Variants in MREG observed in about 807,000 individuals in gnomAD.
The protein encoded by MREG is dilute suppressor protein homolog.
In MREG, 31 loss-of-function variants were observed where a neutral mutation model predicts 28.5. The observed-to-expected ratio is 1.09, with a 90% CI of 0.82 to 1.47. MREG has a LOEUF of 1.47. MREG is among the 40% of genes most tolerant of loss of function. The probability of loss-of-function intolerance (pLI) is 0.00; values close to 1 mark genes in which losing one functional copy is unlikely to be tolerated. For missense variants in MREG, 256 were observed against 257.4 expected (o/e 0.99, Z 0.04); for synonymous variants, 106 against 95.2 (o/e 1.11, Z -0.66).
chr2:216,007,742 CT>C, intron 1 of MREG, among the ~76,000 whole-genome samples: 1 of 149,006 alleles, frequency 6.7e-6, no homozygotes, highest in South Asian at 2.1e-4. Flanking sequence ...CACTTAGCGG[CT>C]TTTTTTTTGC....
intron 2 of MREG, among the ~76,000 whole-genome samples, chr2:215,995,555 T>C (rs1237005649): frequency 8.7e-6 from 1 of 115,500 alleles, no homozygotes; most frequent in Non-Finnish European, 1.7e-5. Flanking sequence ...TAAGTTTCCC[T>C]ACCCTGCTCA....
chr2:216,015,104 GGTGTGTGTGTGCACGC>G (rs1694414034), upstream of MREG, among the ~76,000 whole-genome samples: 1 of 84,192 alleles, frequency 1.2e-5, no homozygotes, highest in Non-Finnish European at 2.2e-5. Flanking sequence ...GGGAGAGCGG[GGTGTGTGTGTGCACGC>G]GTGTGTGTGC....
intron 2 of MREG, among the ~76,000 whole-genome samples, chr2:215,977,776 G>C (rs1693300822): frequency 6.6e-6 from 1 of 152,194 alleles, no homozygotes; most frequent in Admixed American, 6.5e-5. Flanking sequence ...GCTCCTGAAT[G>C]ACTCCTGGGT....
chr2:215,946,252 G>A (rs1692315455), intron 3 of MREG, among the ~76,000 whole-genome samples: 1 of 150,292 alleles, frequency 6.7e-6, no homozygotes, highest in African/African-American at 2.5e-5. Context: ...AAAAAAAAAG[G>A]CTATTAGCTC....
At chr2:215,959,614 T>C (rs925932525) in intron 2 of MREG, among the ~76,000 whole-genome samples, 1 of 152,356 alleles carries the variant, frequency 6.6e-6, no homozygotes, top group South Asian at 2.1e-4. Context: ...AGTTGTTCCA[T>C]ACCGCTTACT....
intron 1 of MREG, among the ~76,000 whole-genome samples, chr2:216,009,702 AT>A (rs1220568075): frequency 6.6e-6 from 1 of 151,840 alleles, no homozygotes; most frequent in African/African-American, 2.4e-5. Context: ...CACCCGGCTA[AT>A]TTTTTTTATT....
chr2:215,941,024 G>A (rs764798827), downstream of MREG, among the ~76,000 whole-genome samples: 1 of 152,168 alleles, frequency 6.6e-6, no homozygotes, highest in Non-Finnish European at 1.5e-5. Context: ...TGGTACAGAC[G>A]CTGCAGTTAC....
At chr2:215,958,630 C>T (rs1446254422) in intron 2 of MREG, among the ~76,000 whole-genome samples, 3 of 152,300 alleles carry the variant, frequency 2.0e-5, no homozygotes, top group African/African-American at 4.8e-5. Context: ...TGGGAGCCTC[C>T]ATTGCTCTTC....
chr2:215,947,241 A>G, intron 2 of MREG, 128 bp from the exon 3 acceptor site: 1 of 624,696 alleles, frequency 1.6e-6, no homozygotes. Flanking sequence ...AGCCTAAAAG[A>G]AGAGAAGGAG....
intron 2 of MREG, among the ~76,000 whole-genome samples, chr2:215,977,418 CACA>C (rs1693292119): frequency 6.6e-6 from 1 of 152,216 alleles, no homozygotes; most frequent in South Asian, 2.1e-4. Context: ...TAGACTCCCA[CACA>C]ACAATAATGG....
chr2:215,961,854 A>G (rs193067121), intron 2 of MREG, among the ~76,000 whole-genome samples: 373 of 152,256 alleles, frequency 2.4e-3, no homozygotes, highest in African/African-American at 8.3e-3. Context: ...CCAGGCCCTA[A>G]GTTCCCACCC....
chr2:216,008,269 C>A (rs529373949), intron 1 of MREG, among the ~76,000 whole-genome samples: 1 of 152,256 alleles, frequency 6.6e-6, no homozygotes, highest in South Asian at 2.1e-4. Flanking sequence ...GGGCTTAGTG[C>A]TTGTGACAGA....
At chr2:215,956,069 C>G (rs1242427517) in intron 2 of MREG, among the ~76,000 whole-genome samples, 1 of 152,002 alleles carries the variant, frequency 6.6e-6, no homozygotes, top group African/African-American at 2.4e-5. Context: ...ACAAATAAAG[C>G]CTGTGAGGTA....
chr2:216,020,974 C>T (rs1694511541), intron 1 of MREG, among the ~76,000 whole-genome samples: 1 of 152,196 alleles, frequency 6.6e-6, no homozygotes, highest in Non-Finnish European at 1.5e-5. Context: ...AAGGGACTCT[C>T]ATCTGAGACC....
chr2:215,942,198 A>G (rs940708427), downstream of MREG, among the ~76,000 whole-genome samples: 2 of 152,198 alleles, frequency 1.3e-5, no homozygotes, highest in African/African-American at 4.8e-5. Flanking sequence ...ACTTCCATCC[A>G]TCTACCACCC....
At chr2:215,976,063 G>A (rs145394160) in intron 2 of MREG, among the ~76,000 whole-genome samples, 3,266 of 150,744 alleles carry the variant, frequency 0.022, 102 homozygotes, top group African/African-American at 0.072. Flanking sequence ...AGCCAAGATC[G>A]CACCACTGCC....
chr2:216,015,150 C>T (rs887492982), upstream of MREG, among the ~76,000 whole-genome samples: 2 of 55,230 alleles, frequency 3.6e-5, no homozygotes, highest in Admixed American at 2.2e-4. Flanking sequence ...TCTGTGCGTG[C>T]GTACGTGTGC....
At chr2:215,940,815 T>C (rs1009692283), downstream of MREG, among the ~76,000 whole-genome samples, 1 of 152,144 alleles carries the variant, frequency 6.6e-6, no homozygotes, top group African/African-American at 2.4e-5. Context: ...AATAGGGAAC[T>C]CTGGAGCAAT....
chr2:216,011,249 G>A (rs1694301082), intron 1 of MREG, among the ~76,000 whole-genome samples: 1 of 152,042 alleles, frequency 6.6e-6, no homozygotes, highest in Non-Finnish European at 1.5e-5. Flanking sequence ...GAACCTGCAG[G>A]TACCCATATA....
Sources: allele counts gnomAD v4.1 joint callset (sites outside exome capture counted in the v4.1 genomes callset), GRCh38; gene constraint gnomAD v4.1.1; transcripts MANE v1.5; gene names NCBI Gene and HGNC (gene_info 2026-07-23, HGNC 2026-07-21).